CLCN7: variants seen among roughly 807,000 people sequenced by gnomAD.
The protein encoded by CLCN7 is H(+)/Cl(-) exchange transporter 7.
Under a neutral mutation model 102.1 loss-of-function variants are expected in CLCN7, and 60 were observed. The ratio of observed to expected loss-of-function variants is 0.59; its 90% confidence interval spans 0.48 to 0.73. The LOEUF (loss-of-function observed/expected upper bound fraction) is 0.73, where lower values mean the gene tolerates loss of function less well. Among genes scored for constraint, CLCN7 ranks in the 30% least tolerant of loss-of-function variants. The pLI is 0.00. For missense variants in CLCN7, 962 were observed against 1,125.7 expected, an observed-to-expected ratio of 0.85 and a Z score of 2.08; for synonymous variants, 560 against 490.5, an observed-to-expected ratio of 1.14 and a Z score of -1.87.
At position 1,465,347 on chromosome 16, in the gene CLCN7, A is replaced by C. The variant is rs1567274765; in HGVS notation, c.142-9T>G. 6.2e-7 allele frequency: 1 copy of C among 1,612,450 alleles called. No homozygotes were observed. The highest frequency in any genetic ancestry group is 8.5e-7 in the Non-Finnish European group (1 of 1,179,364). On this transcript the variant is annotated splice_polypyrimidine_tract_variant and intron_variant, in intron 1 of 24. Transcript: ENST00000382745. ...AGCGCAGAACGTGGTGACTAAAAGC[A>C]GAAGAGAAATCATGAGGGCGCTCAG... is the stretch of plus-strand genomic sequence containing the variant.
At chr16:1,448,875 C>G (rs994244336) in intron 19 of CLCN7, 91 bp downstream of exon 19, 7 of 1,599,494 alleles carry the variant, frequency 4.4e-6, no homozygotes, top group Non-Finnish European at 6.0e-6. Flanking sequence ...TGAGCCTACC[C>G]CCCGGGACCG....
At chr16:1,455,039 T>A (rs755273533) in intron 12 of CLCN7, 95 bp downstream of exon 12, 1 of 817,624 alleles carries the variant, frequency 1.2e-6, no homozygotes, top group Non-Finnish European at 2.2e-6. Flanking sequence ...TCAACCAGAG[T>A]TTTCTAAAGG....
chr16:1,466,253 C>A (rs927907940), intron 1 of CLCN7, among the ~76,000 whole-genome samples: 1 of 152,236 alleles, frequency 6.6e-6, no homozygotes, highest in African/African-American at 2.4e-5. Flanking sequence ...TGCCGCCCGC[C>A]TTCCCTGGGA....
intron 1 of CLCN7, chr16:1,472,494 G>A (rs1298511040): frequency 6.6e-6 from 1 of 152,182 alleles, no homozygotes; most frequent in African/African-American, 2.4e-5. Context: ...GCCTCCCAAA[G>A]TGCTGGGATT....
chr16:1,474,894 C>A lies in CLCN7; in HGVS notation c.81G>T (p.Thr27=). 6.9e-7 allele frequency: 1 copy of A among 1,457,370 alleles called. No individual in the cohort carries two copies. Among genetic ancestry groups the A allele is most frequent in the South Asian group, 1.3e-5 (1 of 76,356 alleles). 90.3% of individuals were successfully genotyped at this position (1,457,370 alleles called of 1,614,324 possible). A position where few individuals can be genotyped will look rare whatever the true frequency, so the allele number is the denominator to read the frequency against. The change falls in exon 1 of 25, where the codon ACG becomes ACT. Residue 27 remains threonine, a synonymous_variant. Transcript: ENST00000382745. ...GCGGCGTCCCCCCGCCGGGCCGCGC[C>A]GTCCTCCGCAGCAGCGGCGCCGCCT... is the stretch of plus-strand genomic sequence containing the variant. ...DEEAAPLLRR[T]ARPGGGTPLL...
chr16:1,471,982 T>G (rs1024675595), intron 1 of CLCN7: 9 of 151,154 alleles, frequency 6.0e-5, no homozygotes, highest in Admixed American at 5.3e-4. Flanking sequence ...TTTCCCCCCG[T>G]CCGCCTGCCT....
intron 2 of CLCN7, among the ~76,000 whole-genome samples, chr16:1,462,790 A>G (rs2038958135): frequency 1.3e-5 from 2 of 152,180 alleles, no homozygotes; most frequent in South Asian, 4.1e-4. Flanking sequence ...ATTTCCCACA[A>G]CAGTGTCAAA....
intron 7 of CLCN7, among the ~76,000 whole-genome samples, chr16:1,458,692 C>T (rs1280928118): frequency 1.3e-5 from 2 of 152,214 alleles, no homozygotes; most frequent in African/African-American, 4.8e-5. Flanking sequence ...TCAGGACTCC[C>T]AGCACCTCCA....
Position 1,445,224 on chromosome 16 carries a change from CCGCTGTCTTTCA to C in CLCN7, c.*1395_*1406del, listed in dbSNP as rs2038615800. On this transcript the variant is annotated 3_prime_UTR_variant, in exon 25 of 25. Coordinates refer to ENST00000382745, the MANE Select transcript of CLCN7 (RefSeq NM_001287.6). ...TGGCTGGTGCCCTGGGTGGCCGCAG[CCGCTGTCTTTCA>C]CGCCTTTCTCACTCCACACGGTGCC... 1.3e-5 allele frequency: 2 copies of C among 152,200 alleles called. No homozygotes were observed. Among genetic ancestry groups the C allele is most frequent in the Non-Finnish European group, 2.9e-5 (2 of 68,056 alleles). The allele number at this position is 152,200 out of a possible 1,614,324, so 9.4% of individuals were successfully genotyped here.
chr16:1,459,883 CAT>C (rs1233241130), intron 6 of CLCN7, among the ~76,000 whole-genome samples: 8 of 124,756 alleles, frequency 6.4e-5, no homozygotes, highest in Admixed American at 1.6e-4. Context: ...GCTCAGCACA[CAT>C]GTCGGGGCCT....
At chr16:1,447,760 G>T (rs952917793) in intron 21 of CLCN7, 46 bp from the exon 22 acceptor site, 10 of 1,538,676 alleles carry the variant, frequency 6.5e-6, no homozygotes, top group Non-Finnish European at 8.8e-6. Context: ...GAGGGTGGGA[G>T]GCTGCGCTGG....
intron 15 of CLCN7, chr16:1,452,022 G>C (rs530477814): frequency 7.7e-6 from 3 of 391,082 alleles, no homozygotes; most frequent in African/African-American, 2.1e-5. Context: ...CCCTGGTGCC[G>C]GGGAAGGTGG....
In CLCN7 at chr16:1,448,321, A is replaced by G. The variant is rs766726308; in HGVS notation, c.2013+34T>C. ...CACCAATGGACTCGACAGAGGTCAC[A>G]TAGGCAGGACCCTGTCTATGGGGTG... On this transcript the variant is annotated intron_variant, in intron 21 of 24. Coordinates refer to ENST00000382745, the MANE Select transcript of CLCN7 (RefSeq NM_001287.6). The G allele has an allele frequency of 5.0e-6, 8 of 1,611,446 alleles. No individual in the cohort carries two copies. In the South Asian group the frequency reaches 5.5e-5, roughly 11 times the overall value.
intron 2 of CLCN7, 115 bp from the exon 3 acceptor site, chr16:1,461,789 G>T (rs1414406092): frequency 6.6e-6 from 6 of 904,134 alleles, no homozygotes; most frequent in Non-Finnish European, 1.1e-5. Context: ...CAAGGACACA[G>T]CAAGAGAACT....
chr16:1,454,502 G>A (rs748286086), intron 12 of CLCN7, 37 bp from the exon 13 acceptor site: 524 of 1,587,848 alleles, frequency 3.3e-4, no homozygotes, highest in Non-Finnish European at 4.4e-4. Flanking sequence ...GGATGTGAGG[G>A]AAAAGGCCCA....
At chr16:1,450,698 ACGACTCCC>A (rs2038733608) in intron 16 of CLCN7, 32 bp from the exon 17 acceptor site, 1 of 1,328,372 alleles carries the variant, frequency 7.5e-7, no homozygotes, top group Non-Finnish European at 1.0e-6. Context: ...CGGGGCCTCC[ACGACTCCC>A]GCCTCCGCAG....
chr16:1,450,549 GC>G lies in CLCN7; in HGVS notation c.1564del (p.Ala522LeufsTer28). 1.2e-6 allele frequency: 2 copies of G among 1,611,544 alleles called. No homozygotes were observed. Among genetic ancestry groups the G allele is most frequent in the South Asian group, 2.2e-5 (2 of 90,792 alleles). ...GATCCCAAAGAGCCGGCCCCAGGCA[GC>G]CCCGATGAGCAGGGACGGGATGAAG... ...GVFIPSLLIG[A>X]AWGRLFGISL... is the part of the protein sequence containing the mutation. On this transcript the variant is annotated frameshift_variant, in exon 17 of 25. Transcript: ENST00000382745. LOFTEE classifies it high-confidence loss of function.
chr16:1,454,017 G>C (rs1443545543), intron 13 of CLCN7, 123 bp from the exon 14 acceptor site: 12 of 862,656 alleles, frequency 1.4e-5, no homozygotes, highest in Non-Finnish European at 2.1e-5. Flanking sequence ...CAGGGGGCTA[G>C]GGGGTCCTGG....
At chr16:1,460,298 T>C in intron 6 of CLCN7, 120 bp downstream of exon 6, 1 of 753,178 alleles carries the variant, frequency 1.3e-6, no homozygotes, top group South Asian at 1.4e-5. Flanking sequence ...ATTCTAAAAG[T>C]GCCCGGGTTG....
Sources: allele counts gnomAD v4.1 joint callset (sites outside exome capture counted in the v4.1 genomes callset), GRCh38; gene constraint gnomAD v4.1.1; transcripts MANE v1.5; gene names NCBI Gene and HGNC (gene_info 2026-07-23, HGNC 2026-07-21).